The following MARCHF8 variants were observed in gnomAD, a reference collection of about 807,000 sequenced individuals.
MARCHF8 encodes membrane associated ring-CH-type finger 8.
A neutral mutation model predicts 51.6 loss-of-function variants in MARCHF8; 40 were observed. The observed-to-expected ratio is 0.77, with a 90% CI of 0.60 to 1.01. The LOEUF is 1.01. MARCHF8 is among the 50% of genes least tolerant of loss of function. The probability of loss-of-function intolerance (pLI) is 0.00; values close to 1 mark genes in which losing one functional copy is unlikely to be tolerated. For missense variants in MARCHF8, 685 were observed against 708.6 expected, an observed-to-expected ratio of 0.97 and a Z score of 0.38; for synonymous variants, 263 against 280.3, an observed-to-expected ratio of 0.94 and a Z score of 0.62.
At chr10:45,502,019 T>A (rs999047606) in intron 2 of MARCHF8, among the ~76,000 whole-genome samples, 6 of 152,100 alleles carry the variant, frequency 3.9e-5, no homozygotes, top group Non-Finnish European at 7.4e-5. Flanking sequence ...AGAAACTAGA[T>A]CACTTATATA....
chr10:45,482,487 C>T (rs2133050699), intron 3 of MARCHF8, among the ~76,000 whole-genome samples: 1 of 152,296 alleles, frequency 6.6e-6, no homozygotes, highest in Non-Finnish European at 1.5e-5. Flanking sequence ...GGAGTGGTGG[C>T]TCACACCTGT....
intron 1 of MARCHF8, among the ~76,000 whole-genome samples, chr10:45,561,854 T>C (rs1188028958): frequency 7.5e-6 from 1 of 132,786 alleles, no homozygotes; most frequent in Non-Finnish European, 1.5e-5. Flanking sequence ...TGAGCCAAGA[T>C]GGAGCCTCTG....
intron 3 of MARCHF8, among the ~76,000 whole-genome samples, chr10:45,476,162 C>A (rs2042783440): frequency 6.6e-6 from 1 of 152,146 alleles, no homozygotes; most frequent in South Asian, 2.1e-4. Flanking sequence ...AATGAAAAAT[C>A]AAGGAAATAT....
intron 2 of MARCHF8, among the ~76,000 whole-genome samples, chr10:45,532,717 C>A (rs2043907040): frequency 6.6e-6 from 1 of 152,202 alleles, no homozygotes; most frequent in Non-Finnish European, 1.5e-5. Context: ...CAGGCTATGG[C>A]ATTTTGTTAC....
intron 2 of MARCHF8, among the ~76,000 whole-genome samples, chr10:45,527,578 G>A: frequency 6.6e-6 from 1 of 151,988 alleles, no homozygotes; most frequent in Non-Finnish European, 1.5e-5. Flanking sequence ...AAAGCCTGAA[G>A]AGACCAATAA....
chr10:45,581,144 G>A (rs1037570735), intron 1 of MARCHF8, among the ~76,000 whole-genome samples: 1 of 152,070 alleles, frequency 6.6e-6, no homozygotes, highest in Non-Finnish European at 1.5e-5. Context: ...ATCACCCCAG[G>A]GGATTTTGCC....
At position 45,578,902 on chromosome 10, in the gene MARCHF8, T is replaced by C. The variant is rs80182398; in HGVS notation, c.-79+15333A>G. ...AAAAGATCAATGTCAAGAATGACAA[T>C]GAAAGGTTAACAAAGTACTCCAGAT... On this transcript the variant is annotated intron_variant, in intron 1 of 6. Coordinates refer to the MARCHF8 transcript ENST00000319836. 9.9e-3 allele frequency among the ~76,000 whole-genome samples: 1,500 copies of C among 152,198 alleles called. 31 individuals carry two copies. Among genetic ancestry groups the C allele is most frequent in the African/African-American group, 0.034 (1,432 of 41,524 alleles).
chr10:45,585,653 G>A (rs12772102), intron 1 of MARCHF8, among the ~76,000 whole-genome samples: 9,387 of 151,940 alleles, frequency 0.062, 325 homozygotes, highest in Non-Finnish European at 0.067. Context: ...AGAGATGAAG[G>A]GCATCAAAAG....
chr10:45,569,064 CAA>C (rs71023131), intron 1 of MARCHF8, among the ~76,000 whole-genome samples: 5 of 64,420 alleles, frequency 7.8e-5, no homozygotes, highest in Non-Finnish European at 1.5e-4. Flanking sequence ...GACTCCATCT[CAA>C]AAAAAAAAAA....
At chr10:45,572,492 A>G (rs1418262996) in intron 1 of MARCHF8, among the ~76,000 whole-genome samples, 4 of 152,070 alleles carry the variant, frequency 2.6e-5, no homozygotes, top group Non-Finnish European at 4.4e-5. Flanking sequence ...CTTAACCCCA[A>G]TACAAACTCG....
chr10:45,468,728 C>T (rs1011051576), intron 3 of MARCHF8, among the ~76,000 whole-genome samples: 1 of 152,142 alleles, frequency 6.6e-6, no homozygotes, highest in Non-Finnish European at 1.5e-5. Flanking sequence ...GCACAGATGG[C>T]TCTCAAAACA....
intron 2 of MARCHF8, among the ~76,000 whole-genome samples, chr10:45,513,467 A>G (rs904456733): frequency 5.3e-5 from 8 of 152,136 alleles, no homozygotes; most frequent in African/African-American, 1.9e-4. Context: ...CAGTGTAGAA[A>G]GAGATTGTCC....
chr10:45,580,448 C>T (rs1468855065), intron 1 of MARCHF8, among the ~76,000 whole-genome samples: 1 of 152,188 alleles, frequency 6.6e-6, no homozygotes, highest in African/African-American at 2.4e-5. Flanking sequence ...GAACTACCAC[C>T]GCTTACATGA....
chr10:45,466,577 G>A (rs182373117), intron 3 of MARCHF8, among the ~76,000 whole-genome samples: 5 of 152,212 alleles, frequency 3.3e-5, no homozygotes, highest in African/African-American at 1.2e-4. Context: ...TTCCTTCAAG[G>A]GATGGCAGCA....
intron 5 of MARCHF8, 116 bp downstream of exon 5, chr10:45,463,035 C>T: frequency 7.4e-7 from 1 of 1,346,870 alleles, no homozygotes; most frequent in Non-Finnish European, 9.9e-7. Flanking sequence ...ACCATCAACC[C>T]ACAACTGGTT....
chr10:45,483,989 TAAC>T (rs1490988326), intron 3 of MARCHF8, among the ~76,000 whole-genome samples: 1 of 152,114 alleles, frequency 6.6e-6, no homozygotes, highest in African/African-American at 2.4e-5. Flanking sequence ...TAATGTTCAA[TAAC>T]AACAGAGTAG....
chr10:45,544,093 A>T (rs76866932), intron 1 of MARCHF8, among the ~76,000 whole-genome samples: 1 of 152,206 alleles, frequency 6.6e-6, no homozygotes, highest in East Asian at 1.9e-4. Flanking sequence ...AATAATGAAG[A>T]CATATGAATA....
chr10:45,507,002 T>C (rs2043398139), intron 2 of MARCHF8, among the ~76,000 whole-genome samples: 1 of 152,234 alleles, frequency 6.6e-6, no homozygotes. Context: ...TTGAGACTTG[T>C]ACACAATGAA....
At chr10:45,546,533 G>A (rs1288759696) in intron 1 of MARCHF8, among the ~76,000 whole-genome samples, 1 of 152,044 alleles carries the variant, frequency 6.6e-6, no homozygotes, top group Non-Finnish European at 1.5e-5. Flanking sequence ...TGTAATCCTG[G>A]CACTTTAGGA....
Sources: gnomAD v4.1 joint callset for allele counts (sites outside exome capture counted in the v4.1 genomes callset) on GRCh38, gnomAD v4.1.1 for gene constraint, MANE v1.5 for transcripts, NCBI Gene and HGNC (gene_info 2026-07-23, HGNC 2026-07-21) for gene names.